The following MCRIP1 variants were observed in gnomAD, a reference collection of about 807,000 sequenced individuals.
MCRIP1 encodes MAPK regulated corepressor interacting protein 1, also known as mapk-regulated corepressor-interacting protein 1.
In MCRIP1, 10 loss-of-function variants were observed where a neutral mutation model predicts 14.4. The observed-to-expected ratio is 0.70, with a 90% CI of 0.43 to 1.18. The LOEUF (loss-of-function observed/expected upper bound fraction) is 1.18. MCRIP1 is among the 50% of genes most tolerant of loss of function. The pLI, the probability that MCRIP1 is intolerant of heterozygous loss-of-function variation, is 0.00. For synonymous variants in MCRIP1, 53 were observed against 55.7 expected (o/e 0.95, Z 0.21); for missense variants, 119 against 135.4 (o/e 0.88, Z 0.60).
intron 1 of MCRIP1, chr17:81,826,151 C>G (rs1567825486): frequency 3.6e-5 from 54 of 1,492,724 alleles, no homozygotes; most frequent in Non-Finnish European, 4.7e-5. Context: ...GGTTGTCACT[C>G]CTGCCCCAGA....
At chr17:81,826,340 C>G (rs1229638653) in intron 1 of MCRIP1, 2 of 1,535,626 alleles carry the variant, frequency 1.3e-6, no homozygotes, top group Admixed American at 3.9e-5. Context: ...TCTGTACACA[C>G]CTGCCCACAC....
intron 1 of MCRIP1, among the ~76,000 whole-genome samples, chr17:81,829,321 C>A (rs2038473855): frequency 6.6e-6 from 1 of 152,190 alleles, no homozygotes; most frequent in African/African-American, 2.4e-5. Flanking sequence ...GGTCTCGAGA[C>A]CCCATCCAGC....
intron 1 of MCRIP1, among the ~76,000 whole-genome samples, chr17:81,831,986 C>T (rs34656338): frequency 0.03 from 4,518 of 152,146 alleles, 228 homozygotes; most frequent in African/African-American, 0.1. Flanking sequence ...GGGACAGAAC[C>T]CCAGTCTCTG....
chr17:81,826,225 GCACA>G lies in MCRIP1; in HGVS notation c.-48-1675_-48-1672del, dbSNP rs537758024. ...TTCCGGGGCTCCCTTTGCCTTGTGT[GCACA>G]CACACACACACACACACACCTGCCC... On this transcript the variant is annotated intron_variant, in intron 1 of 4. Coordinates refer to ENST00000455127, the MANE Select transcript of MCRIP1 (RefSeq NM_207368.5). 2.2e-3 allele frequency: 2,992 copies of G among 1,358,218 alleles called. 11 individuals are homozygous for G. Among genetic ancestry groups the G allele is most frequent in the South Asian group, 0.012 (877 of 74,980 alleles). 84.1% of individuals were successfully genotyped at this position (1,358,218 alleles called of 1,614,324 possible).
chr17:81,827,767 C>A (rs533878787), intron 1 of MCRIP1, among the ~76,000 whole-genome samples: 1 of 147,562 alleles, frequency 6.8e-6, no homozygotes, highest in Non-Finnish European at 1.5e-5. Context: ...ACCTATTGTG[C>A]ACCCATACAT....
chr17:81,823,071 T>C lies in MCRIP1; in HGVS notation c.*176A>G. On this transcript the variant is annotated 3_prime_UTR_variant, in exon 5 of 5. Coordinates refer to ENST00000455127, the MANE Select transcript of MCRIP1 (RefSeq NM_207368.5). The surrounding 1 kb of genome is among the most constrained non-coding windows in gnomAD (Gnocchi z 6.0). Reference sequence around the variant, plus strand: ...GGGGGCAGCCTGAGACCCCCAAGGATGAAGGAAGGGGGCTTGGGAAGGAGA... The same window carrying C: ...GGGGGCAGCCTGAGACCCCCAAGGACGAAGGAAGGGGGCTTGGGAAGGAGA... The C allele has an allele frequency of 1.5e-6, 1 of 666,032 alleles. No homozygotes were observed. The highest frequency in any genetic ancestry group is 1.8e-5 in the South Asian group (1 of 56,426). 41.3% of individuals were successfully genotyped at this position (666,032 alleles called of 1,614,324 possible).
intron 1 of MCRIP1, among the ~76,000 whole-genome samples, chr17:81,829,417 C>T (rs918278611): frequency 1.1e-4 from 17 of 152,346 alleles, no homozygotes; most frequent in African/African-American, 4.1e-4. Context: ...TCCCGTTTTC[C>T]TTCCCTCTTT....
chr17:81,823,091 A>G lies in MCRIP1; in HGVS notation c.*156T>C. The G allele has an allele frequency of 1.4e-6, 1 of 709,522 alleles. No individual in the cohort carries two copies. Among genetic ancestry groups the G allele is most frequent in the Non-Finnish European group, 2.4e-6 (1 of 414,204 alleles). 44.0% of individuals were successfully genotyped at this position (709,522 alleles called of 1,614,324 possible). ...AAGGATGAAGGAAGGGGGCTTGGGAAGGAGAGGCAGGCCTCAGCCGTCAGT... is the reference window on the plus strand; with the variant it reads ...AAGGATGAAGGAAGGGGGCTTGGGAGGGAGAGGCAGGCCTCAGCCGTCAGT... On this transcript the variant is annotated 3_prime_UTR_variant, in exon 5 of 5. Coordinates refer to ENST00000455127, the MANE Select transcript of MCRIP1 (RefSeq NM_207368.5). This position sits in a 1 kb window ranked among gnomAD's most constrained non-coding sequence, Gnocchi z 6.0.
chr17:81,830,740 C>T (rs1042614616), intron 1 of MCRIP1, among the ~76,000 whole-genome samples: 5 of 148,592 alleles, frequency 3.4e-5, no homozygotes, highest in African/African-American at 1.2e-4. Flanking sequence ...AGCCCCATCT[C>T]GACCAGGTGC....
At chr17:81,830,524 C>G (rs2038495851) in intron 1 of MCRIP1, among the ~76,000 whole-genome samples, 1 of 152,020 alleles carries the variant, frequency 6.6e-6, no homozygotes, top group South Asian at 2.1e-4. Context: ...GTAATCCCAG[C>G]TACTCAGGAG....
intron 1 of MCRIP1, chr17:81,826,162 T>G: frequency 6.7e-7 from 1 of 1,495,914 alleles, no homozygotes; most frequent in South Asian, 1.3e-5. Context: ...CTGCCCCAGA[T>G]CCCACTGATT....
At chr17:81,832,923 G>A (rs1263701932) in intron 1 of MCRIP1, among the ~76,000 whole-genome samples, 1 of 152,176 alleles carries the variant, frequency 6.6e-6, no homozygotes, top group African/African-American at 2.4e-5. Flanking sequence ...GGCGGCAGAA[G>A]GCTGGCCCGC....
At position 81,829,746 on chromosome 17, in the gene MCRIP1, C is replaced by A. The variant is rs565659944; in HGVS notation, c.-49+3492G>T. On this transcript the variant is annotated intron_variant, in intron 1 of 4. Coordinates refer to ENST00000455127, the MANE Select transcript of MCRIP1 (RefSeq NM_207368.5). ...GCTACATGGTCTTTAGGTGTTTTCTCCCCTTCCCCTCAAAGTCTTCCACAT... is the reference window on the plus strand; with the variant it reads ...GCTACATGGTCTTTAGGTGTTTTCTACCCTTCCCCTCAAAGTCTTCCACAT... 2.6e-5 allele frequency among the ~76,000 whole-genome samples: 4 copies of A among 152,236 alleles called. No individual in the cohort carries two copies. In the East Asian group the frequency reaches 7.7e-4, roughly 29 times the overall value.
Position 81,823,793 on chromosome 17 carries a change from CAG to C in MCRIP1, c.128-282_128-281del, listed in dbSNP as rs1036596225. On this transcript the variant is annotated intron_variant, in intron 3 of 4. Transcript: ENST00000455127. The surrounding 1 kb of genome is among the most constrained non-coding windows in gnomAD (Gnocchi z 6.0). ...CCCAGGCTTCCCTGCGCCTCGGAGG[CAG>C]CGCATCCTCCTCAGCTAGGCCTCTA... 3.1e-5 allele frequency: 18 copies of C among 585,478 alleles called. No individual in the cohort carries two copies. The highest frequency in any genetic ancestry group is 3.0e-5 in the Non-Finnish European group (10 of 329,304). The allele number at this position is 585,478 out of a possible 1,614,324, so 36.3% of individuals were successfully genotyped here.
chr17:81,827,423 C>T (rs2038430672), intron 1 of MCRIP1, among the ~76,000 whole-genome samples: 1 of 151,814 alleles, frequency 6.6e-6, no homozygotes, highest in African/African-American at 2.4e-5. Flanking sequence ...AGAAGCCCGC[C>T]ACCACGCCCA....
chr17:81,824,784 C>A, intron 1 of MCRIP1: 1 of 1,417,320 alleles, frequency 7.1e-7, no homozygotes, highest in Non-Finnish European at 9.2e-7. Context: ...CAGACACACA[C>A]ACAACTTGAA....
chr17:81,831,450 A>G (rs893553013), intron 1 of MCRIP1, among the ~76,000 whole-genome samples: 1 of 151,828 alleles, frequency 6.6e-6, no homozygotes, highest in South Asian at 2.1e-4. Flanking sequence ...GTTGATTATC[A>G]AGAATGAAAC....
intron 1 of MCRIP1, among the ~76,000 whole-genome samples, chr17:81,829,231 C>T (rs542717696): frequency 9.4e-5 from 13 of 137,672 alleles, no homozygotes; most frequent in South Asian, 2.7e-4. Flanking sequence ...AGGGGAGTGG[C>T]GGCCTGACCG....
Position 81,823,386 on chromosome 17 carries a change from C to G in MCRIP1, c.229+26G>C, listed in dbSNP as rs1427716843. On this transcript the variant is annotated intron_variant, in intron 4 of 4. Coordinates refer to ENST00000455127, the MANE Select transcript of MCRIP1 (RefSeq NM_207368.5). The surrounding 1 kb of genome is among the most constrained non-coding windows in gnomAD (Gnocchi z 6.0). ...TGAGGCCCGGCCTGCCGGCCCAGCCCTGCCCCCAGGTCAGCCCCCACTCAC... is the reference window on the plus strand; with the variant it reads ...TGAGGCCCGGCCTGCCGGCCCAGCCGTGCCCCCAGGTCAGCCCCCACTCAC... The G allele has an allele frequency of 6.5e-7, 1 of 1,536,328 alleles. No individual in the cohort carries two copies. Among genetic ancestry groups the G allele is most frequent in the African/African-American group, 1.4e-5 (1 of 73,010 alleles).
Sources: allele counts gnomAD v4.1 joint callset (sites outside exome capture counted in the v4.1 genomes callset), GRCh38; gene constraint gnomAD v4.1.1; non-coding constraint Gnocchi (gnomAD v3.1); transcripts MANE v1.5; gene names NCBI Gene and HGNC (gene_info 2026-07-23, HGNC 2026-07-21).